SCFD1: variants seen among roughly 807,000 people sequenced by gnomAD.
SCFD1 encodes sec1 family domain-containing protein 1.
Under a neutral mutation model 103.2 loss-of-function variants are expected in SCFD1, and 37 were observed. The observed-to-expected ratio is 0.36, with a 90% CI of 0.28 to 0.47. SCFD1 has a LOEUF of 0.47. Among genes scored for constraint, SCFD1 ranks in the 20% least tolerant of loss-of-function variants. The pLI is 1.00. For synonymous variants in SCFD1, 264 were observed against 245.0 expected (o/e 1.08, Z -0.73); for missense variants, 639 against 761.2 (o/e 0.84, Z 1.89).
At chr14:30,732,613 C>T (rs1165961558) in intron 23 of SCFD1, among the ~76,000 whole-genome samples, 1 of 152,186 alleles carries the variant, frequency 6.6e-6, no homozygotes, top group Non-Finnish European at 1.5e-5. Flanking sequence ...AAACCTGTGT[C>T]AGTACAGTCT....
chr14:30,658,111 G>C (rs775807774), intron 10 of SCFD1: 1 of 455,212 alleles, frequency 2.2e-6, no homozygotes, highest in African/African-American at 2.0e-5. Context: ...TTCAGCTGCA[G>C]AGCTGTGGAC....
intron 3 of SCFD1, among the ~76,000 whole-genome samples, chr14:30,632,897 C>T (rs540476440): frequency 2.6e-5 from 4 of 152,148 alleles, no homozygotes; most frequent in Admixed American, 6.5e-5. Context: ...TTGAGAGTCT[C>T]GTAATCTCTG....
chr14:30,655,732 C>G (rs1316492472), intron 10 of SCFD1, among the ~76,000 whole-genome samples: 1 of 152,108 alleles, frequency 6.6e-6, no homozygotes, highest in Non-Finnish European at 1.5e-5. Flanking sequence ...AAAGATGACT[C>G]CAAGGTTTTA....
intron 14 of SCFD1, among the ~76,000 whole-genome samples, chr14:30,690,974 A>G (rs1407777444): frequency 3.9e-5 from 6 of 152,154 alleles, no homozygotes; most frequent in Non-Finnish European, 7.4e-5. Flanking sequence ...TTTTGAGCCC[A>G]TGTTGTAGAA....
intron 20 of SCFD1, among the ~76,000 whole-genome samples, 180 bp from the exon 21 acceptor site, chr14:30,719,144 TA>T (rs1378118550): frequency 2.0e-5 from 3 of 152,162 alleles, no homozygotes; most frequent in African/African-American, 4.8e-5. Flanking sequence ...TAGGATTGAG[TA>T]ATTTCATCTA....
At chr14:30,639,693 A>G (rs1885075476) in intron 5 of SCFD1, 84 bp from the exon 6 acceptor site, 3 of 1,343,344 alleles carry the variant, frequency 2.2e-6, no homozygotes, top group Non-Finnish European at 2.9e-6. Flanking sequence ...CATTTCTACC[A>G]TTGGTAGGTT....
chr14:30,685,176 T>C (rs1300402247), intron 14 of SCFD1, among the ~76,000 whole-genome samples: 1 of 15,080 alleles, frequency 6.6e-5, no homozygotes, highest in Non-Finnish European at 1.0e-4. Context: ...TTCCATGGTG[T>C]ATATGTGCCA....
chr14:30,653,657 T>A (rs1283983073), intron 10 of SCFD1, 69 bp downstream of exon 10: 34 of 1,071,558 alleles, frequency 3.2e-5, no homozygotes, highest in Non-Finnish European at 4.6e-5. Flanking sequence ...AATTTAAAAT[T>A]AACATCATGG....
chr14:30,672,228 T>A (rs1454198451), intron 11 of SCFD1, among the ~76,000 whole-genome samples: 1 of 152,094 alleles, frequency 6.6e-6, no homozygotes, highest in South Asian at 2.1e-4. Flanking sequence ...GTTTCCATTA[T>A]AATTAGATGG....
chr14:30,706,444 A>G (rs917322240), intron 18 of SCFD1, among the ~76,000 whole-genome samples: 1 of 151,990 alleles, frequency 6.6e-6, no homozygotes, highest in Non-Finnish European at 1.5e-5. Flanking sequence ...TTTCTACAAC[A>G]AATATTGTCT....
intron 23 of SCFD1, among the ~76,000 whole-genome samples, chr14:30,728,790 T>G (rs1411822462): frequency 1.3e-5 from 2 of 152,042 alleles, no homozygotes. Context: ...ACATGTGTAT[T>G]GGCCATTTGT....
At chr14:30,661,019 C>T (rs546459015) in intron 10 of SCFD1, among the ~76,000 whole-genome samples, 16 of 152,246 alleles carry the variant, frequency 1.1e-4, no homozygotes, top group African/African-American at 3.6e-4. Flanking sequence ...GGGCTATTAG[C>T]GCTGTTTATT....
chr14:30,633,235 C>T (rs894622760), intron 3 of SCFD1, among the ~76,000 whole-genome samples: 2 of 152,146 alleles, frequency 1.3e-5, no homozygotes, highest in African/African-American at 4.8e-5. Context: ...CCTCTTTCCT[C>T]TCTCTCCTTG....
chr14:30,728,099 G>A (rs949290696), intron 23 of SCFD1, among the ~76,000 whole-genome samples: 5 of 152,128 alleles, frequency 3.3e-5, no homozygotes, highest in Admixed American at 6.5e-5. Context: ...GAAATATGGA[G>A]GAAATTGTTA....
At chr14:30,625,974 C>G (rs1194384580) in intron 1 of SCFD1, among the ~76,000 whole-genome samples, 1 of 151,992 alleles carries the variant, frequency 6.6e-6, no homozygotes, top group African/African-American at 2.4e-5. Flanking sequence ...AGAGTGTGAA[C>G]AGCTGTTCCC....
intron 1 of SCFD1, 146 bp from the exon 2 acceptor site, chr14:30,628,063 C>T: frequency 1.8e-6 from 1 of 554,572 alleles, no homozygotes; most frequent in Non-Finnish European, 3.2e-6. Context: ...AAGATCTGAC[C>T]CCTAGTTCTA....
chr14:30,714,360 C>CAAAA (rs11362201), intron 19 of SCFD1, among the ~76,000 whole-genome samples: 1 of 96,972 alleles, frequency 1.0e-5, no homozygotes, highest in Non-Finnish European at 2.4e-5. Context: ...GACTCCGTCT[C>CAAAA]AAAAAAAAAA....
intron 15 of SCFD1, among the ~76,000 whole-genome samples, chr14:30,696,266 A>G (rs1890692456): frequency 6.6e-6 from 1 of 152,248 alleles, no homozygotes; most frequent in Non-Finnish European, 1.5e-5. Flanking sequence ...TTAGAAAGCT[A>G]GATTTGTGGT....
rs186351419 is a variant in SCFD1 at position 30,675,556 on chromosome 14, A to G, written c.1242+491A>G. On this transcript the variant is annotated intron_variant, in intron 14 of 24. Transcript: ENST00000458591. The stretch of plus-strand genomic sequence containing the variant: ...TTGAAACAAGTATGTTGGGAGTTCT[A>G]TATATTGTTATAGTTCTTTTTCTCA... Among the ~76,000 whole-genome samples the G allele has an allele frequency of 7.2e-5, 11 of 152,286 alleles. 1 individual carries two copies. The highest frequency in any genetic ancestry group is 5.2e-4 in the Admixed American group (8 of 15,302).
Sources: gnomAD v4.1 joint callset for allele counts (sites outside exome capture counted in the v4.1 genomes callset) on GRCh38, gnomAD v4.1.1 for gene constraint, MANE v1.5 for transcripts, NCBI Gene and HGNC (gene_info 2026-07-23, HGNC 2026-07-21) for gene names.